The following EXOC4 variants were observed in gnomAD, a reference collection of about 807,000 sequenced individuals.
EXOC4 encodes the protein exocyst complex component 4.
Under a neutral mutation model 107.2 loss-of-function variants are expected in EXOC4, and 71 were observed. The ratio of observed to expected loss-of-function variants is 0.66; its 90% CI spans 0.55 to 0.81. The LOEUF is 0.81. EXOC4 is among the 30% of genes least tolerant of loss of function. The pLI is 0.00. For synonymous variants in EXOC4, 456 were observed against 441.2 expected, an observed-to-expected ratio of 1.03 and a Z score of -0.42; for missense variants, 1,108 against 1,189.6, an observed-to-expected ratio of 0.93 and a Z score of 1.01.
intron 10 of EXOC4, among the ~76,000 whole-genome samples, chr7:133,740,125 C>T (rs1282552915): frequency 6.6e-6 from 1 of 152,030 alleles, no homozygotes; most frequent in East Asian, 1.9e-4. Flanking sequence ...CTTTAGCAAG[C>T]AGAAAGATAC....
At chr7:133,309,920 A>G (rs573727285) in intron 4 of EXOC4, among the ~76,000 whole-genome samples, 3 of 152,168 alleles carry the variant, frequency 2.0e-5, no homozygotes. Context: ...AGCCTGGGTG[A>G]CAGAACAAGA....
chr7:133,296,761 T>C (rs940056657), intron 3 of EXOC4, among the ~76,000 whole-genome samples: 2 of 152,242 alleles, frequency 1.3e-5, no homozygotes, highest in South Asian at 2.1e-4. Context: ...GGAAATTCTG[T>C]TTTATTGCAC....
At chr7:133,494,105 T>C (rs1459785642) in intron 9 of EXOC4, among the ~76,000 whole-genome samples, 1 of 152,250 alleles carries the variant, frequency 6.6e-6, no homozygotes, top group African/African-American at 2.4e-5. Flanking sequence ...GACATCACTT[T>C]CTTGCTGCTT....
At chr7:133,653,571 G>T (rs934241989) in intron 10 of EXOC4, among the ~76,000 whole-genome samples, 9 of 151,970 alleles carry the variant, frequency 5.9e-5, no homozygotes, top group Non-Finnish European at 8.8e-5. Flanking sequence ...TTTTTTCTCT[G>T]GGTCTTCAGC....
intron 10 of EXOC4, among the ~76,000 whole-genome samples, chr7:133,687,598 G>A (rs749097302): frequency 6.6e-6 from 1 of 151,972 alleles, no homozygotes; most frequent in African/African-American, 2.4e-5. Context: ...GGTCAGTCAG[G>A]GAGATTGATT....
intron 1 of EXOC4, among the ~76,000 whole-genome samples, chr7:133,254,364 T>G (rs1450070204): frequency 6.6e-6 from 1 of 152,200 alleles, no homozygotes; most frequent in Non-Finnish European, 1.5e-5. Context: ...GAGGAAGTGC[T>G]GTTGTATTGT....
chr7:134,091,662 T>C, the EXOC4 span, among the ~76,000 whole-genome samples: 1 of 152,164 alleles, frequency 6.6e-6, no homozygotes, highest in Non-Finnish European at 1.5e-5. Flanking sequence ...ATAAATCTTA[T>C]ATACTGACAA....
Position 133,260,155 on chromosome 7 carries a change from G to A in EXOC4, c.86+6968G>A, listed in dbSNP as rs189246433. Among the ~76,000 whole-genome samples the A allele has an allele frequency of 1.6e-4, 24 of 152,016 alleles. No homozygotes were observed. The East Asian group carries it at 3.5e-3, about 22-fold the overall frequency. On this transcript the variant is annotated intron_variant, in intron 1 of 17. Coordinates refer to ENST00000253861, the MANE Select transcript of EXOC4 (RefSeq NM_021807.4). ...AAAACCAATTTACTTTATATGTGTG[G>A]GTTTATTTCTTGACTTTCTAGTCTG...
chr7:133,325,641 A>G (rs1584813531), intron 5 of EXOC4, among the ~76,000 whole-genome samples: 1 of 152,058 alleles, frequency 6.6e-6, no homozygotes, highest in Non-Finnish European at 1.5e-5. Context: ...GCTGCCCTTA[A>G]TATTTTTTCC....
chr7:133,544,544 C>G (rs1408591238), intron 9 of EXOC4, among the ~76,000 whole-genome samples: 2 of 152,054 alleles, frequency 1.3e-5, no homozygotes, highest in African/African-American at 4.8e-5. Flanking sequence ...CTATAAGAAA[C>G]TAAATTAGGT....
intron 7 of EXOC4, among the ~76,000 whole-genome samples, chr7:133,397,007 A>C (rs753889252): frequency 5.9e-5 from 9 of 152,144 alleles, no homozygotes; most frequent in Non-Finnish European, 1.5e-5. Flanking sequence ...AACAATAATC[A>C]TGATTCTTTC....
intron 7 of EXOC4, among the ~76,000 whole-genome samples, chr7:133,466,441 GC>G (rs1008408668): frequency 6.6e-6 from 1 of 152,138 alleles, no homozygotes; most frequent in African/African-American, 2.4e-5. Flanking sequence ...ACTATGATAT[GC>G]CAATCAGACG....
At chr7:133,539,211 C>T (rs1250675402) in intron 9 of EXOC4, among the ~76,000 whole-genome samples, 3 of 151,904 alleles carry the variant, frequency 2.0e-5, no homozygotes, top group Admixed American at 2.0e-4. Flanking sequence ...AGTGTCCTGC[C>T]CTCCCTGGGA....
At chr7:133,647,338 A>C (rs1803018007) in intron 10 of EXOC4, among the ~76,000 whole-genome samples, 1 of 152,188 alleles carries the variant, frequency 6.6e-6, no homozygotes, top group South Asian at 2.1e-4. Context: ...CAATCAACTC[A>C]AATAAATAAT....
intron 14 of EXOC4, among the ~76,000 whole-genome samples, chr7:133,946,467 A>G (rs1800552574): frequency 6.6e-6 from 1 of 152,214 alleles, no homozygotes; most frequent in African/African-American, 2.4e-5. Flanking sequence ...TGTTGTGCTC[A>G]ATGTCTCAAC....
intron 10 of EXOC4, among the ~76,000 whole-genome samples, chr7:133,784,100 A>G (rs1202636910): frequency 6.6e-6 from 1 of 152,290 alleles, no homozygotes; most frequent in South Asian, 2.1e-4. Context: ...AATCAATTAA[A>G]AATGCCGCTT....
intron 11 of EXOC4, among the ~76,000 whole-genome samples, chr7:133,844,013 C>T (rs1435411784): frequency 6.6e-6 from 1 of 152,154 alleles, no homozygotes; most frequent in Non-Finnish European, 1.5e-5. Flanking sequence ...GGGATAAAGC[C>T]TGCTTGATCA....
At chr7:133,696,962 G>A (rs981770969) in intron 10 of EXOC4, among the ~76,000 whole-genome samples, 4 of 152,156 alleles carry the variant, frequency 2.6e-5, no homozygotes, top group African/African-American at 9.7e-5. Flanking sequence ...TTTGAGCACA[G>A]ACTTTGTGTT....
At chr7:133,848,903 A>G (rs1178365785) in intron 11 of EXOC4, among the ~76,000 whole-genome samples, 1 of 152,210 alleles carries the variant, frequency 6.6e-6, no homozygotes, top group Admixed American at 6.5e-5. Flanking sequence ...CGTTCAGTAC[A>G]TATTTATTGA....
Sources: allele counts gnomAD v4.1 joint callset (sites outside exome capture counted in the v4.1 genomes callset), GRCh38; gene constraint gnomAD v4.1.1; transcripts MANE v1.5; gene names NCBI Gene and HGNC (gene_info 2026-07-23, HGNC 2026-07-21).